SFXN4: variants seen among roughly 807,000 people sequenced by gnomAD.
SFXN4 encodes the protein sideroflexin-4.
SFXN4 carries 48 observed loss-of-function variants against 54.6 expected under a neutral mutation model. The observed-to-expected ratio is 0.88, with a 90% CI of 0.70 to 1.12. The LOEUF (loss-of-function observed/expected upper bound fraction) is 1.12, where lower values mean the gene tolerates loss of function less well. Among genes scored for constraint, SFXN4 ranks in the 50% most tolerant of loss-of-function variants. The pLI is 0.00. For missense variants in SFXN4, 383 were observed against 409.2 expected (o/e 0.94, Z 0.55); for synonymous variants, 130 against 145.5 (o/e 0.89, Z 0.77).
intron 10 of SFXN4, 97 bp downstream of exon 10, chr10:119,156,581 T>C (rs1431538552): frequency 1.1e-6 from 1 of 943,868 alleles, no homozygotes. Context: ...TCAGTCACAA[T>C]GTGCCAAGGG....
Position 119,165,660 on chromosome 10 carries a change from A to G in SFXN4, c.-13T>C, listed in dbSNP as rs1454057954. 1.3e-6 allele frequency: 2 copies of G among 1,552,450 alleles called. No homozygotes were observed. The highest frequency in any genetic ancestry group is 1.7e-6 in the Non-Finnish European group (2 of 1,155,176). ...GTTCCAGGGACATTTTGCGCTGGTT[A>G]GAGTGGCCGCCGCCGCCAGGCCGCG... On this transcript the variant is annotated 5_prime_UTR_variant, in exon 1 of 14. Coordinates refer to ENST00000355697, the MANE Select transcript of SFXN4 (RefSeq NM_213649.2).
intron 2 of SFXN4, 67 bp from the exon 3 acceptor site, chr10:119,162,481 G>T: frequency 7.4e-7 from 1 of 1,350,104 alleles, no homozygotes; most frequent in Non-Finnish European, 1.1e-6. Flanking sequence ...CCAGAGGTAG[G>T]AATCACCAGC....
intron 9 of SFXN4, 61 bp from the exon 10 acceptor site, chr10:119,156,817 C>T (rs574222508): frequency 7.7e-6 from 10 of 1,293,890 alleles, no homozygotes; most frequent in Non-Finnish European, 9.9e-6. Context: ...GGAACCTACT[C>T]ACTAGCAGAG....
In SFXN4 at chr10:119,140,947, ATTAG is replaced by A. The variant is rs1449044911; in HGVS notation, c.*291_*294del. 2 of 279,960 alleles carry A rather than the reference ATTAG, an allele frequency of 7.1e-6. No homozygotes were observed. The highest frequency in any genetic ancestry group is 1.3e-5 in the Non-Finnish European group (2 of 149,232). The allele number at this position is 279,960 out of a possible 1,614,324, so 17.3% of individuals were successfully genotyped here. ...CAAATCCTCAACTTGAGACAGGTTT[ATTAG>A]TTAATTAGTGATTTCACAGTATCCT... is the stretch of plus-strand genomic sequence containing the variant. On this transcript the variant is annotated 3_prime_UTR_variant, in exon 14 of 14. Coordinates refer to ENST00000355697, the MANE Select transcript of SFXN4 (RefSeq NM_213649.2).
Position 119,156,715 on chromosome 10 carries a change from GC to G in SFXN4, c.578del (p.Gly193AlafsTer10). ...CAGGTAAGAGTCTTTTAATCCAAGG[GC>G]CAGTCAGGCCATACTTCATCTGGAC... is the stretch of plus-strand genomic sequence containing the variant. ...QFVQMKYGLT[G>X]PWIKRLLPVI... On this transcript the variant is annotated frameshift_variant, in exon 10 of 14. Coordinates refer to ENST00000355697, the MANE Select transcript of SFXN4 (RefSeq NM_213649.2). LOFTEE classifies it high-confidence loss of function. 1 of 1,611,550 alleles carries G rather than the reference GC, an allele frequency of 6.2e-7. No homozygotes were observed.
rs1338493854 is a variant in SFXN4 at position 119,152,237 on chromosome 10, T to TTG, written c.732+2824_732+2825insCA. Among the ~76,000 whole-genome samples the TTG allele has an allele frequency of 2.6e-5, 4 of 151,262 alleles. No homozygotes were observed. The East Asian group carries it at 7.8e-4, about 29-fold the overall frequency. Reference sequence around the variant, plus strand: ...AAAATGTCTCTTTCGGGCGTTTTTTTTTTTCCCCAGGGGAAAGCGCAAATG... The same window carrying TTG: ...AAAATGTCTCTTTCGGGCGTTTTTTTTGTTTTCCCCAGGGGAAAGCGCAAATG... On this transcript the variant is annotated intron_variant, in intron 11 of 13. Transcript: ENST00000355697.
At chr10:119,162,253 A>T (rs1485054782) in intron 3 of SFXN4, 87 bp downstream of exon 3, 4 of 1,045,626 alleles carry the variant, frequency 3.8e-6, no homozygotes, top group African/African-American at 3.2e-5. Context: ...GGAGACAGAG[A>T]TTAATGGCCA....
chr10:119,141,368 CT>C, intron 13 of SFXN4, 49 bp from the exon 14 acceptor site: 1 of 1,198,254 alleles, frequency 8.3e-7, no homozygotes, highest in Non-Finnish European at 1.2e-6. Flanking sequence ...TTTTTCTTGC[CT>C]TAGAAGCCAA....
At chr10:119,145,227 G>T (rs1846737532) in intron 13 of SFXN4, among the ~76,000 whole-genome samples, 2 of 151,732 alleles carry the variant, frequency 1.3e-5, no homozygotes, top group East Asian at 1.9e-4. Flanking sequence ...TCAATATGAA[G>T]ATGACGAGGA....
rs769671683 is a variant in SFXN4 at position 119,162,463 on chromosome 10, G to GT, written c.178-50dup. 13 of 1,498,570 alleles carry GT rather than the reference G, an allele frequency of 8.7e-6. No individual in the cohort carries two copies. In the Admixed American group the frequency reaches 2.2e-4, roughly 25 times the overall value. 92.8% of individuals were successfully genotyped at this position (1,498,570 alleles called of 1,614,324 possible). A position where few individuals can be genotyped will look rare whatever the true frequency, so the allele number is the denominator to read the frequency against. ...AAGTAATGATCTCAACATTGTTCAG[G>GT]TTTATCCCCAGAGGTAGGAATCACC... On this transcript the variant is annotated intron_variant, in intron 2 of 13. Coordinates refer to ENST00000355697, the MANE Select transcript of SFXN4 (RefSeq NM_213649.2).
At chr10:119,150,918 C>T (rs942292283) in intron 11 of SFXN4, among the ~76,000 whole-genome samples, 1 of 152,184 alleles carries the variant, frequency 6.6e-6, no homozygotes, top group Non-Finnish European at 1.5e-5. Context: ...GCGGCACATC[C>T]AGGAACGGAA....
chr10:119,145,440 G>A (rs528085120), intron 13 of SFXN4, among the ~76,000 whole-genome samples: 11 of 149,616 alleles, frequency 7.4e-5, no homozygotes, highest in South Asian at 2.1e-4. Flanking sequence ...TCAGCCTCCC[G>A]AGTAGCTGAG....
chr10:119,145,969 T>C (rs1473350603), intron 13 of SFXN4, among the ~76,000 whole-genome samples: 3 of 152,048 alleles, frequency 2.0e-5, no homozygotes, highest in Non-Finnish European at 2.9e-5. Flanking sequence ...ACAACAGGTG[T>C]GCATCATCAC....
chr10:119,155,521 T>A (rs1427715145), intron 10 of SFXN4, among the ~76,000 whole-genome samples: 4 of 152,080 alleles, frequency 2.6e-5, no homozygotes, highest in African/African-American at 9.7e-5. Context: ...AGACAGAGTT[T>A]CACTCTTGTT....
intron 11 of SFXN4, among the ~76,000 whole-genome samples, chr10:119,153,351 T>TAG (rs36081979): frequency 0.31 from 45,588 of 146,552 alleles, 7,555 homozygotes; most frequent in South Asian, 0.41. Flanking sequence ...GTTGAGGCTG[T>TAG]AGAGCCGTGA....
chr10:119,151,625 C>T (rs939465279), intron 11 of SFXN4, among the ~76,000 whole-genome samples: 3 of 151,804 alleles, frequency 2.0e-5, no homozygotes, highest in African/African-American at 7.3e-5. Flanking sequence ...AAGTGATTCT[C>T]CTGCCTCAAC....
At chr10:119,161,779 G>A (rs576102647) in intron 3 of SFXN4, among the ~76,000 whole-genome samples, 61 of 152,302 alleles carry the variant, frequency 4.0e-4, no homozygotes, top group Non-Finnish European at 6.2e-4. Flanking sequence ...GACACACCAT[G>A]CCATCAGTCA....
chr10:119,159,637 C>CA, intron 6 of SFXN4, 91 bp downstream of exon 6: 2 of 1,355,250 alleles, frequency 1.5e-6, no homozygotes, highest in Non-Finnish European at 2.1e-6. Flanking sequence ...TGACAGGGGT[C>CA]CGGAGCTGGA....
Position 119,165,588 on chromosome 10 carries a change from G to A in SFXN4, c.60C>T (p.Ala20=). The A allele has an allele frequency of 6.3e-7, 1 of 1,594,058 alleles. No homozygotes were observed. Among genetic ancestry groups the A allele is most frequent in the Non-Finnish European group, 8.5e-7 (1 of 1,171,906 alleles). Residue 20 remains alanine (A), a synonymous_variant, in exon 1 of 14, where the codon GCC becomes GCT. Coordinates refer to ENST00000355697, the MANE Select transcript of SFXN4 (RefSeq NM_213649.2). ...CGTTGGGCTCAATGAAGGCGGGGAC[G>A]GCGTCTCTGCGTCCTAGGAGCCGCC... ...QPGRLLGRRD[A]VPAFIEPNVR...
Sources: gnomAD v4.1 joint callset for allele counts (sites outside exome capture counted in the v4.1 genomes callset) on GRCh38, gnomAD v4.1.1 for gene constraint, MANE v1.5 for transcripts, NCBI Gene and HGNC (gene_info 2026-07-23, HGNC 2026-07-21) for gene names.